MYO15A: variants seen among roughly 807,000 people sequenced by gnomAD.
The protein encoded by MYO15A is myosin XVA, also known as unconventional myosin-XV.
A neutral mutation model predicts 394.6 loss-of-function variants in MYO15A; 308 were observed. The ratio of observed to expected loss-of-function variants is 0.78; its 90% confidence interval spans 0.71 to 0.86. MYO15A has a LOEUF of 0.86. Ranked by LOEUF, MYO15A falls within the 40% of genes least tolerant of loss-of-function variation. The probability of loss-of-function intolerance (pLI) is 0.00; values close to 1 mark genes in which losing one functional copy is unlikely to be tolerated. For synonymous variants in MYO15A, 1,957 were observed against 2,003.8 expected (o/e 0.98, Z 0.62); for missense variants, 4,606 against 4,799.1 (o/e 0.96, Z 1.19).
chr17:18,119,819 G>A lies in MYO15A; in HGVS notation c.1019G>A (p.Gly340Asp), dbSNP rs2045874476. Residue 340 changes from glycine to aspartate, a missense_variant, in exon 2 of 66, where the codon GGC becomes GAC. Physicochemically the swap from Gly to Asp is moderately conservative, Grantham distance 94. This residue lies in a region of MYO15A where 1,830 missense variants were observed against 1,689.7 expected (regional missense o/e 1.08). Coordinates refer to ENST00000647165, the MANE Select transcript of MYO15A (RefSeq NM_016239.4). ...DGYEGEAHPY[G>D]YYLDPYAPYD... ...TACGAGGGCGAGGCGCACCCTTATG[G>A]CTACTACCTGGATCCCTATGCGCCG... 6.2e-7 allele frequency: 1 copy of A among 1,613,052 alleles called. No individual in the cohort carries two copies. The highest frequency in any genetic ancestry group is 8.5e-7 in the Non-Finnish European group (1 of 1,179,996).
intron 13 of MYO15A, among the ~76,000 whole-genome samples, chr17:18,136,194 G>A (rs1490473065): frequency 2.6e-5 from 4 of 152,112 alleles, no homozygotes; most frequent in Admixed American, 2.6e-4. Flanking sequence ...TGTATCTGCT[G>A]ATGCCTCTGT....
chr17:18,136,359 G>C (rs1319308981), intron 13 of MYO15A, 58 bp from the exon 14 acceptor site: 8 of 1,603,592 alleles, frequency 5.0e-6, no homozygotes, highest in Non-Finnish European at 6.8e-6. Context: ...TCCCCTGGGG[G>C]CTTTCCGGAG....
intron 64 of MYO15A, 55 bp from the exon 65 acceptor site, chr17:18,173,725 TG>T (rs2046974041): frequency 6.2e-7 from 1 of 1,611,358 alleles, no homozygotes; most frequent in Non-Finnish European, 8.5e-7. Flanking sequence ...GGGGTAAGAG[TG>T]GTTGAGACTA....
In MYO15A at chr17:18,125,156, G is replaced by A. The variant is rs766977457; in HGVS notation, c.3693-12G>A. On this transcript the variant is annotated splice_polypyrimidine_tract_variant and intron_variant, in intron 3 of 65. Transcript: ENST00000647165. Reference sequence around the variant, plus strand: ...CTGGGGGCACTGACGGCTTCTCTCTGTGTCCTTCTAGAGACCTCCAGGAAA... The same window carrying A: ...CTGGGGGCACTGACGGCTTCTCTCTATGTCCTTCTAGAGACCTCCAGGAAA... 3 of 1,614,024 alleles carry A rather than the reference G, an allele frequency of 1.9e-6. No homozygotes were observed. The highest frequency in any genetic ancestry group is 1.7e-5 in the Admixed American group (1 of 60,032).
At chr17:18,111,961 G>A (rs1005774765) in intron 1 of MYO15A, among the ~76,000 whole-genome samples, 8 of 152,180 alleles carry the variant, frequency 5.3e-5, no homozygotes, top group South Asian at 2.1e-4. Flanking sequence ...TGGGCTCCAC[G>A]TCCCCTGGGC....
At position 18,158,519 on chromosome 17, in the gene MYO15A, G is replaced by T. The variant is rs2046723025; in HGVS notation, c.8968-4G>T. On this transcript the variant is annotated splice_region_variant and splice_polypyrimidine_tract_variant and intron_variant, in intron 51 of 65. Coordinates refer to ENST00000647165, the MANE Select transcript of MYO15A (RefSeq NM_016239.4). ...GGGCCTTCCTAGCTCCGCCTCTTCTGCAGGGTCCCCCAGTCAGGGCCCGCT... is the reference window on the plus strand; with the variant it reads ...GGGCCTTCCTAGCTCCGCCTCTTCTTCAGGGTCCCCCAGTCAGGGCCCGCT... 2 of 1,613,682 alleles carry T rather than the reference G, an allele frequency of 1.2e-6. No homozygotes were observed. The highest frequency in any genetic ancestry group is 1.1e-5 in the South Asian group (1 of 91,080).
Position 18,121,419 on chromosome 17 carries a change from G to C in MYO15A, c.2619G>C (p.Arg873=). The change falls in exon 2 of 66, where the codon CGG becomes CGC. Residue 873 remains arginine, a synonymous_variant. Coordinates refer to ENST00000647165, the MANE Select transcript of MYO15A (RefSeq NM_016239.4). The surrounding 1 kb of genome is among the most constrained non-coding windows in gnomAD (Gnocchi z 5.3). ...NLPSRLPHTW[R]RLSEPPTRAV... ...CCTCGCGCCTCCCGCACACGTGGCG[G>C]CGCCTCAGCGAGCCACCCACTCGGG... 1.3e-6 allele frequency: 2 copies of C among 1,542,820 alleles called. No individual in the cohort carries two copies. Among genetic ancestry groups the C allele is most frequent in the South Asian group, 1.2e-5 (1 of 83,920 alleles).
In MYO15A at chr17:18,126,466, T is replaced by G. The variant is rs2046043611; in HGVS notation, c.3866+10T>G. On this transcript the variant is annotated intron_variant, in intron 5 of 65. Coordinates refer to ENST00000647165, the MANE Select transcript of MYO15A (RefSeq NM_016239.4). ...TGGGAGAGAATCCCCCGTGAGTGTC[T>G]CGGGGGCGCTGCCCTGGGGTCTCTT... 6.2e-7 allele frequency: 1 copy of G among 1,609,494 alleles called. No homozygotes were observed. Among genetic ancestry groups the G allele is most frequent in the Admixed American group, 1.7e-5 (1 of 59,964 alleles).
Position 18,120,658 on chromosome 17 carries a change from G to A in MYO15A, c.1858G>A (p.Glu620Lys), listed in dbSNP as rs1445431722. The A allele has an allele frequency of 5.0e-6, 8 of 1,590,490 alleles. No individual in the cohort carries two copies. Among genetic ancestry groups the A allele is most frequent in the Non-Finnish European group, 6.0e-6 (7 of 1,172,948 alleles). ...FGYKLAGMDP[E>K]KPGTPIVLRR... is the part of the protein sequence containing the mutation. Reference sequence around the variant, plus strand: ...CTACAAGCTGGCTGGCATGGACCCCGAGAAGCCCGGCACGCCCATCGTGCT... The same window carrying A: ...CTACAAGCTGGCTGGCATGGACCCCAAGAAGCCCGGCACGCCCATCGTGCT... Residue 620 changes from glutamate (E) to lysine (K), a missense_variant, in exon 2 of 66, where the codon GAG becomes AAG. Transcript: ENST00000647165.
At chr17:18,111,747 T>C (rs2955363) in intron 1 of MYO15A, among the ~76,000 whole-genome samples, 139,618 of 152,348 alleles carry the variant, frequency 0.92, 63,982 homozygotes, top group South Asian at 0.96. Flanking sequence ...CCTGTAGCAA[T>C]GACGTTGGCA....
At position 18,179,379 on chromosome 17, in the gene MYO15A, G is replaced by A. The variant is rs2047058360; in HGVS notation, c.*509G>A. 1 of 190,486 alleles carries A rather than the reference G, an allele frequency of 5.2e-6. No homozygotes were observed. Among genetic ancestry groups the A allele is most frequent in the Non-Finnish European group, 1.1e-5 (1 of 89,624 alleles). 11.8% of individuals were successfully genotyped at this position (190,486 alleles called of 1,614,324 possible). On this transcript the variant is annotated 3_prime_UTR_variant, in exon 66 of 66. Coordinates refer to ENST00000647165, the MANE Select transcript of MYO15A (RefSeq NM_016239.4). ...TTTGGTTATTTCTGTGCAAACAAAA[G>A]GTGTGCCTGGCAGCCATTTCTCCAT...
chr17:18,157,381 T>C, intron 50 of MYO15A, 151 bp downstream of exon 50: 1 of 1,152,774 alleles, frequency 8.7e-7, no homozygotes, highest in Non-Finnish European at 1.3e-6. Flanking sequence ...TCAGTATCTG[T>C]TGGTGGCCAG....
chr17:18,146,054 C>G lies in MYO15A; in HGVS notation c.6456C>G (p.Ala2152=), dbSNP rs753993808. The G allele has an allele frequency of 1.2e-6, 2 of 1,613,872 alleles. No individual in the cohort carries two copies. The highest frequency in any genetic ancestry group is 8.5e-7 in the Non-Finnish European group (1 of 1,180,038). ...CTGAGCGGGGCTGGCTGCTGCTGGCCGCCTGCCTCAGTGGCTTTGCACCTT... is the reference window on the plus strand; with the variant it reads ...CTGAGCGGGGCTGGCTGCTGCTGGCGGCCTGCCTCAGTGGCTTTGCACCTT... ...HNAERGWLLL[A]ACLSGFAPSP... is the part of the protein sequence containing the mutation. Residue 2152 remains alanine (A), a synonymous_variant, in exon 30 of 66, where the codon GCC becomes GCG. Coordinates refer to ENST00000647165, the MANE Select transcript of MYO15A (RefSeq NM_016239.4).
chr17:18,140,550 C>T lies in MYO15A; in HGVS notation c.5245C>T (p.Gln1749Ter), dbSNP rs1597791245. 3 of 1,613,718 alleles carry T rather than the reference C, an allele frequency of 1.9e-6. No homozygotes were observed. Among genetic ancestry groups the T allele is most frequent in the Non-Finnish European group, 2.5e-6 (3 of 1,180,044 alleles). The change falls in exon 20 of 66, where the codon CAG becomes TAG. Residue 1749 changes from glutamine (Q) to a stop codon, truncating the protein, a stop_gained. Transcript: ENST00000647165. LOFTEE classifies it high-confidence loss of function. ...VAHLFSSHAP[Q>*]AAPQRLGKSS... ...ACACCTCTTCTCCAGCCATGCCCCA[C>T]AGGCTGCCCCTCAGCGCCTGGGCAA...
intron 4 of MYO15A, 74 bp downstream of exon 4, chr17:18,125,305 A>C: frequency 6.9e-7 from 1 of 1,440,098 alleles, no homozygotes; most frequent in Non-Finnish European, 9.8e-7. Flanking sequence ...GGTGGGACGC[A>C]CAGATTTCTC....
intron 1 of MYO15A, among the ~76,000 whole-genome samples, chr17:18,111,903 G>C (rs2045726821): frequency 6.6e-6 from 1 of 152,186 alleles, no homozygotes; most frequent in South Asian, 2.1e-4. Flanking sequence ...ACTTGCTATG[G>C]GTCAGATCCA....
At chr17:18,125,079 T>A in intron 3 of MYO15A, 89 bp from the exon 4 acceptor site, 1 of 1,252,176 alleles carries the variant, frequency 8.0e-7, no homozygotes, top group Non-Finnish European at 1.2e-6. Flanking sequence ...CAGGCCTATC[T>A]GATCAAGGCA....
chr17:18,179,185 T>G lies in MYO15A; in HGVS notation c.*315T>G. The G allele has an allele frequency of 2.2e-6, 1 of 461,414 alleles. No individual in the cohort carries two copies. The highest frequency in any genetic ancestry group is 4.0e-6 in the Non-Finnish European group (1 of 248,528). The allele number at this position is 461,414 out of a possible 1,614,324, so 28.6% of individuals were successfully genotyped here. On this transcript the variant is annotated 3_prime_UTR_variant, in exon 66 of 66. Transcript: ENST00000647165. ...ACCCATTGCAGACCCTGCCCCTAACTCCTGCCTATGACACAGAAGCCCCAC... is the reference window on the plus strand; with the variant it reads ...ACCCATTGCAGACCCTGCCCCTAACGCCTGCCTATGACACAGAAGCCCCAC...
chr17:18,129,441 T>G (rs1425182251), intron 7 of MYO15A, among the ~76,000 whole-genome samples: 1 of 152,194 alleles, frequency 6.6e-6, no homozygotes, highest in African/African-American at 2.4e-5. Context: ...CCCATCCCTC[T>G]CTGGACCTCA....
Sources: gnomAD v4.1 joint callset for allele counts (sites outside exome capture counted in the v4.1 genomes callset) on GRCh38, gnomAD v4.1.1 for gene constraint, gnomAD v4.1.1 regional missense constraint, Gnocchi (gnomAD v3.1) non-coding constraint, MANE v1.5 for transcripts, NCBI Gene and HGNC (gene_info 2026-07-23, HGNC 2026-07-21) for gene names.